TMEM154: variants seen among roughly 807,000 people sequenced by gnomAD.
The protein encoded by TMEM154 is transmembrane protein 154.
In TMEM154, 27 loss-of-function variants were observed where a neutral mutation model predicts 24.5. The observed-to-expected ratio is 1.10, with a 90% CI of 0.81 to 1.52. The LOEUF (loss-of-function observed/expected upper bound fraction) is 1.52, where lower values mean the gene tolerates loss of function less well. Ranked by LOEUF, TMEM154 falls within the 40% of genes most tolerant of loss-of-function variation. The pLI is 0.00. For synonymous variants in TMEM154, 67 were observed against 76.8 expected (o/e 0.87, Z 0.67); for missense variants, 228 against 213.4 (o/e 1.07, Z -0.43).
chr4:152,629,831 T>A (rs1751999283), intron 6 of TMEM154, among the ~76,000 whole-genome samples: 1 of 152,078 alleles, frequency 6.6e-6, no homozygotes, highest in Admixed American at 6.5e-5. Context: ...GACAGATAGA[T>A]AAATAGGTAG....
At chr4:152,644,253 G>A (rs1214179551) in intron 4 of TMEM154, among the ~76,000 whole-genome samples, 162 bp downstream of exon 4, 1 of 152,194 alleles carries the variant, frequency 6.6e-6, no homozygotes, top group Non-Finnish European at 1.5e-5. Flanking sequence ...GTTTGGGGAT[G>A]CCAGCACATC....
chr4:152,638,847 C>T (rs961611524), intron 6 of TMEM154, among the ~76,000 whole-genome samples: 3 of 152,170 alleles, frequency 2.0e-5, no homozygotes, highest in Non-Finnish European at 2.9e-5. Context: ...CCTGTGAATG[C>T]CACACAGCTC....
At chr4:152,671,529 C>T (rs374403412) in intron 1 of TMEM154, among the ~76,000 whole-genome samples, 30 of 151,720 alleles carry the variant, frequency 2.0e-4, no homozygotes, top group African/African-American at 7.0e-4. Context: ...GGGCAGATCA[C>T]GAGGTCAGGA....
In TMEM154 at chr4:152,627,373, T is replaced by G. The variant is rs987841492; in HGVS notation, c.*1173A>C. On this transcript the variant is annotated 3_prime_UTR_variant, in exon 7 of 7. Coordinates refer to ENST00000304385, the MANE Select transcript of TMEM154 (RefSeq NM_152680.3). Reference sequence around the variant, plus strand: ...TCAGGTATCCAAGGAGAGCTGAGGATTCTCAATTTGCTAGATTGCTTTAAA... The same window carrying G: ...TCAGGTATCCAAGGAGAGCTGAGGAGTCTCAATTTGCTAGATTGCTTTAAA... The G allele has an allele frequency of 2.0e-5, 3 of 152,252 alleles. No homozygotes were observed. Among genetic ancestry groups the G allele is most frequent in the Non-Finnish European group, 2.9e-5 (2 of 68,038 alleles). 9.4% of individuals were successfully genotyped at this position (152,252 alleles called of 1,614,324 possible). A position where few individuals can be genotyped will look rare whatever the true frequency, so the allele number is the denominator to read the frequency against.
chr4:152,634,140 T>C (rs1752104153), intron 6 of TMEM154, among the ~76,000 whole-genome samples: 1 of 152,022 alleles, frequency 6.6e-6, no homozygotes, highest in Non-Finnish European at 1.5e-5. Context: ...AAAGCATCAT[T>C]GTATTGTTTT....
chr4:152,640,722 T>C (rs1752238495), intron 6 of TMEM154, among the ~76,000 whole-genome samples: 1 of 152,188 alleles, frequency 6.6e-6, no homozygotes, highest in African/African-American at 2.4e-5. Context: ...TTTCTAAAGA[T>C]AAAGAGTCCT....
intron 3 of TMEM154, among the ~76,000 whole-genome samples, chr4:152,647,893 C>T (rs1728296329): frequency 6.6e-6 from 1 of 152,140 alleles, no homozygotes. Flanking sequence ...GTCACGGTGC[C>T]AGGAAGTGCA....
intron 3 of TMEM154, among the ~76,000 whole-genome samples, chr4:152,648,767 G>T (rs1176230685): frequency 6.6e-6 from 1 of 152,148 alleles, no homozygotes; most frequent in Non-Finnish European, 1.5e-5. Flanking sequence ...TCAATTTCTG[G>T]ATTTGGAGCC....
intron 1 of TMEM154, among the ~76,000 whole-genome samples, chr4:152,679,597 G>A (rs1729020035): frequency 6.6e-6 from 1 of 152,052 alleles, no homozygotes; most frequent in African/African-American, 2.4e-5. Context: ...ATTAAAGCTG[G>A]TAAATTACAG....
rs1164321450 is a variant in TMEM154, at chr4:152,626,363, A to G, written c.*2183T>C. 3 of 152,596 alleles carry G rather than the reference A, an allele frequency of 2.0e-5. No homozygotes were observed. The highest frequency in any genetic ancestry group is 7.2e-5 in the African/African-American group (3 of 41,460). The allele number at this position is 152,596 out of a possible 1,614,324, so 9.5% of individuals were successfully genotyped here. On this transcript the variant is annotated 3_prime_UTR_variant, in exon 7 of 7. Transcript: ENST00000304385. ...AAAATTAAGTTTGGGTTTAAAAACA[A>G]TTCTTGAAACTGTCATAAACATATG...
chr4:152,644,583 G>C, intron 3 of TMEM154, 141 bp from the exon 4 acceptor site: 1 of 817,332 alleles, frequency 1.2e-6, no homozygotes, highest in Non-Finnish European at 2.0e-6. Flanking sequence ...CATTAACTTA[G>C]AGTCAAAGAA....
chr4:152,650,505 C>T (rs910552225), intron 3 of TMEM154, among the ~76,000 whole-genome samples: 3 of 152,190 alleles, frequency 2.0e-5, no homozygotes, highest in African/African-American at 7.2e-5. Flanking sequence ...GTTCTTTCTA[C>T]CACATCTGCA....
At chr4:152,645,202 A>G (rs576815691) in intron 3 of TMEM154, among the ~76,000 whole-genome samples, 1 of 152,158 alleles carries the variant, frequency 6.6e-6, no homozygotes, top group East Asian at 1.9e-4. Context: ...TTATCGTGGT[A>G]TCCCCTCAGC....
chr4:152,675,863 A>T lies in TMEM154; in HGVS notation c.64+4007T>A, dbSNP rs1432614188. ...ATTGCTTCATTACAGAATTGAGCCC[A>T]TCCCAGTCAATATCTTCCCTCTTAT... On this transcript the variant is annotated intron_variant, in intron 1 of 6. Transcript: ENST00000304385. 7.2e-5 allele frequency among the ~76,000 whole-genome samples: 11 copies of T among 152,202 alleles called. No individual in the cohort carries two copies. In the East Asian group the frequency reaches 2.1e-3, roughly 29 times the overall value.
intron 1 of TMEM154, among the ~76,000 whole-genome samples, chr4:152,653,240 A>G (rs1728424161): frequency 6.6e-6 from 1 of 152,226 alleles, no homozygotes; most frequent in African/African-American, 2.4e-5. Context: ...GTGATTTTCC[A>G]AGCCAAGTAA....
intron 1 of TMEM154, chr4:152,669,131 T>G (rs1267306555): frequency 6.6e-6 from 1 of 152,238 alleles, no homozygotes; most frequent in Non-Finnish European, 1.5e-5. Flanking sequence ...CGTGATTACA[T>G]TCACAGATTT....
In TMEM154 at chr4:152,627,676, C is replaced by G. The variant is rs1178196754; in HGVS notation, c.*870G>C. On this transcript the variant is annotated 3_prime_UTR_variant, in exon 7 of 7. Coordinates refer to ENST00000304385, the MANE Select transcript of TMEM154 (RefSeq NM_152680.3). ...CTGCTCCTCTTCTGTTTGTTTCAAA[C>G]CACCTTCAGGATCTCTGAAACATAG... 1 of 152,210 alleles carries G rather than the reference C, an allele frequency of 6.6e-6. No individual in the cohort carries two copies. The highest frequency in any genetic ancestry group is 1.9e-4 in the East Asian group (1 of 5,198). 9.4% of individuals were successfully genotyped at this position (152,210 alleles called of 1,614,324 possible).
At chr4:152,657,005 G>C (rs570036753) in intron 1 of TMEM154, among the ~76,000 whole-genome samples, 2 of 150,828 alleles carry the variant, frequency 1.3e-5, no homozygotes, top group Non-Finnish European at 1.5e-5. Context: ...ACAAATTCTG[G>C]ACCTGAAGAA....
chr4:152,639,474 T>G (rs1212943751), intron 6 of TMEM154, among the ~76,000 whole-genome samples: 2 of 152,184 alleles, frequency 1.3e-5, no homozygotes, highest in African/African-American at 4.8e-5. Context: ...CATATATAGT[T>G]ACATATTTCC....
Sources: gnomAD v4.1 joint callset for allele counts (sites outside exome capture counted in the v4.1 genomes callset) on GRCh38, gnomAD v4.1.1 for gene constraint, MANE v1.5 for transcripts, NCBI Gene and HGNC (gene_info 2026-07-23, HGNC 2026-07-21) for gene names.